TTLL2: variants seen among roughly 807,000 people sequenced by gnomAD.
TTLL2 encodes probable tubulin polyglutamylase TTLL2.
TTLL2 carries 10 observed loss-of-function variants against 7.5 expected under a neutral mutation model. That is an observed-to-expected ratio of 1.33 (90% confidence interval 0.82 to 2.25). TTLL2 has a LOEUF of 2.25. TTLL2 is among the 30% of genes most tolerant of loss of function. TTLL2 has a pLI of 0.00. For synonymous variants in TTLL2, 284 were observed against 280.3 expected (o/e 1.01, Z -0.13); for missense variants, 733 against 735.7 (o/e 1.00, Z 0.04).
chr6:167,325,978 T>C (rs1362673653), intron 1 of TTLL2, among the ~76,000 whole-genome samples: 1 of 152,038 alleles, frequency 6.6e-6, no homozygotes, highest in African/African-American at 2.4e-5. Flanking sequence ...AGGCCGTGAG[T>C]GCCTGCCGGC....
In TTLL2 at chr6:167,341,433, A is replaced by G; in HGVS notation, c.1533A>G (p.Leu511=). ...AGATGCCACAAAGCAAGCCCAAGTT[A>G]CGGAGCAGGCACACGCCTCACAAGA... ...TREMPQSKPK[L]RSRHTPHKTL... is the part of the protein sequence containing the mutation. Residue 511 remains leucine (L), a synonymous_variant, in exon 3 of 3, where the codon TTA becomes TTG. Coordinates refer to ENST00000239587, the MANE Select transcript of TTLL2 (RefSeq NM_031949.5). 2 of 1,614,030 alleles carry G rather than the reference A, an allele frequency of 1.2e-6. No homozygotes were observed. Among genetic ancestry groups the G allele is most frequent in the East Asian group, 4.5e-5 (2 of 44,844 alleles).
intron 1 of TTLL2, among the ~76,000 whole-genome samples, chr6:167,337,109 CA>C (rs148920992): frequency 0.021 from 3,230 of 152,346 alleles, 129 homozygotes; most frequent in African/African-American, 0.074. Context: ...TTTCCACACA[CA>C]ATCAAACCAA....
In TTLL2 at chr6:167,328,081, G is replaced by A. The variant is rs185175353; in HGVS notation, c.47+2861G>A. On this transcript the variant is annotated intron_variant, in intron 1 of 2. Coordinates refer to ENST00000239587, the MANE Select transcript of TTLL2 (RefSeq NM_031949.5). The stretch of plus-strand genomic sequence containing the variant: ...CTGGATCCCGGTCAAATGGAAAGTT[G>A]CTCTGGGGCTCTGTCCTGTAAGCAG... 7.1e-4 allele frequency: 321 copies of A among 451,288 alleles called. 2 individuals are homozygous for A. Among genetic ancestry groups the A allele is most frequent in the African/African-American group, 6.7e-3 (306 of 45,560 alleles). The allele number at this position is 451,288 out of a possible 1,614,324, so 28.0% of individuals were successfully genotyped here.
chr6:167,325,745 C>T (rs1481229010), intron 1 of TTLL2, among the ~76,000 whole-genome samples: 2 of 152,066 alleles, frequency 1.3e-5, no homozygotes, highest in Admixed American at 1.3e-4. Context: ...ATGGACCCCA[C>T]GGGGGAAAAG....
At position 167,340,183 on chromosome 6, in the gene TTLL2, AC is replaced by A; in HGVS notation, c.287del (p.Pro96ArgfsTer37). 1 of 1,613,444 alleles carries A rather than the reference AC, an allele frequency of 6.2e-7. No homozygotes were observed. Among genetic ancestry groups the A allele is most frequent in the Non-Finnish European group, 8.5e-7 (1 of 1,179,728 alleles). ...KPLVFRVDET[T>X]PAVVQSVLLE... is the part of the protein sequence containing the mutation. The stretch of plus-strand genomic sequence containing the variant: ...GCTGGTTTTTCGCGTTGACGAGACC[AC>A]CCCGGCTGTGGTGCAAAGCGTCCTC... On this transcript the variant is annotated frameshift_variant, in exon 3 of 3. Transcript: ENST00000239587. LOFTEE classifies it low-confidence loss of function (END_TRUNC).
intron 1 of TTLL2, among the ~76,000 whole-genome samples, chr6:167,331,876 T>C (rs1299472677): frequency 1.3e-5 from 2 of 152,174 alleles, no homozygotes; most frequent in Non-Finnish European, 2.9e-5. Flanking sequence ...GCCGCTTTAC[T>C]TTTACGTCTG....
rs1472714911 is a variant in TTLL2, at chr6:167,334,193, G to T, written c.48-4454G>T. Reference sequence around the variant, plus strand: ...ACATCTTTATTTCTGCCTTCATTTCGTTATGTACCCAGTAGTCATTCAGGA... The same window carrying T: ...ACATCTTTATTTCTGCCTTCATTTCTTTATGTACCCAGTAGTCATTCAGGA... On this transcript the variant is annotated intron_variant, in intron 1 of 2. Transcript: ENST00000239587. 2.1e-4 allele frequency among the ~76,000 whole-genome samples: 29 copies of T among 139,798 alleles called. 1 individual carries two copies. The highest frequency in any genetic ancestry group is 7.9e-4 in the African/African-American group (29 of 36,650). 91.7% of individuals were successfully genotyped at this position (139,798 alleles called of 152,430 possible). A position where few individuals can be genotyped will look rare whatever the true frequency, so the allele number is the denominator to read the frequency against.
intron 1 of TTLL2, among the ~76,000 whole-genome samples, chr6:167,331,742 C>T (rs1778922456): frequency 6.6e-6 from 1 of 152,166 alleles, no homozygotes; most frequent in African/African-American, 2.4e-5. Flanking sequence ...GAGTCCTGGC[C>T]AATCCCCGCA....
At chr6:167,336,086 A>G (rs894578692) in intron 1 of TTLL2, among the ~76,000 whole-genome samples, 1 of 151,914 alleles carries the variant, frequency 6.6e-6, no homozygotes, top group Admixed American at 6.6e-5. Flanking sequence ...GACCTTGGGT[A>G]TTGTGACTGT....
chr6:167,329,641 A>G (rs1347205049), intron 1 of TTLL2, among the ~76,000 whole-genome samples: 3 of 152,194 alleles, frequency 2.0e-5, no homozygotes, highest in Non-Finnish European at 4.4e-5. Flanking sequence ...AAATCTGAGT[A>G]CGGTAAACCT....
At chr6:167,331,470 CTG>C (rs968707646) in intron 1 of TTLL2, among the ~76,000 whole-genome samples, 25 of 152,274 alleles carry the variant, frequency 1.6e-4, no homozygotes, top group African/African-American at 5.5e-4. Flanking sequence ...ATTAGATCCA[CTG>C]TTTTTTTAGC....
chr6:167,327,151 T>C (rs1032967878), intron 1 of TTLL2, among the ~76,000 whole-genome samples: 1 of 152,184 alleles, frequency 6.6e-6, no homozygotes, highest in African/African-American at 2.4e-5. Flanking sequence ...AGAGGAACAG[T>C]CGCTTAGCAT....
At chr6:167,334,889 C>T (rs1337451400) in intron 1 of TTLL2, among the ~76,000 whole-genome samples, 1 of 31,150 alleles carries the variant, frequency 3.2e-5, no homozygotes, top group African/African-American at 2.2e-4. Context: ...CTAGGCATTA[C>T]CATTCAGGAC....
chr6:167,330,546 C>T (rs543008370), intron 1 of TTLL2, among the ~76,000 whole-genome samples: 31 of 149,286 alleles, frequency 2.1e-4, no homozygotes, highest in African/African-American at 3.7e-4. Context: ...GGGACAAAAG[C>T]GAAAATCCAT....
rs757262423 is a variant in TTLL2, at chr6:167,340,196, T to G, written c.296T>G (p.Val99Gly). The G allele has an allele frequency of 1.2e-6, 2 of 1,613,986 alleles. No individual in the cohort carries two copies. The highest frequency in any genetic ancestry group is 8.5e-7 in the Non-Finnish European group (1 of 1,179,964). ...FRVDETTPAV[V>G]QSVLLERGWN... The stretch of plus-strand genomic sequence containing the variant: ...GTTGACGAGACCACCCCGGCTGTGG[T>G]GCAAAGCGTCCTCCTGGAGAGGGGG... The change falls in exon 3 of 3, where the codon GTG (valine) becomes GGG (glycine). Residue 99 changes from valine to glycine, a missense_variant. Physicochemically the swap from Val to Gly is moderately radical, Grantham distance 109. Transcript: ENST00000239587.
In TTLL2 at chr6:167,342,593, G is replaced by A. The variant is rs1396939226; in HGVS notation, c.*914G>A. Among the ~76,000 whole-genome samples, 1 of 152,126 alleles carries A rather than the reference G, an allele frequency of 6.6e-6. No individual in the cohort carries two copies. The highest frequency in any genetic ancestry group is 1.5e-5 in the Non-Finnish European group (1 of 68,034). On this transcript the variant is annotated 3_prime_UTR_variant, in exon 3 of 3. Coordinates refer to ENST00000239587, the MANE Select transcript of TTLL2 (RefSeq NM_031949.5). ...CAGAAATGTTCTGGAACTATATAGAGGTGATGGTTGCACAACACGGGGAAT... is the reference window on the plus strand; with the variant it reads ...CAGAAATGTTCTGGAACTATATAGAAGTGATGGTTGCACAACACGGGGAAT...
At chr6:167,330,769 G>A (rs555712194) in intron 1 of TTLL2, among the ~76,000 whole-genome samples, 2 of 152,270 alleles carry the variant, frequency 1.3e-5, no homozygotes, top group South Asian at 2.1e-4. Flanking sequence ...TTCAGCCAGC[G>A]AGGCAGCCAA....
rs1266990367 is a variant in TTLL2, at chr6:167,340,218, G to C, written c.318G>C (p.Arg106Ser). ...PAVVQSVLLE[R>S]GWNKFDKQEQ... Reference sequence around the variant, plus strand: ...TGGTGCAAAGCGTCCTCCTGGAGAGGGGGTGGAATAAGTTTGATAAGCAGG... The same window carrying C: ...TGGTGCAAAGCGTCCTCCTGGAGAGCGGGTGGAATAAGTTTGATAAGCAGG... Residue 106 changes from arginine (R) to serine (S), a missense_variant, in exon 3 of 3, where the codon AGG becomes AGC. Arg to Ser is a moderately radical substitution (Grantham distance 110). Coordinates refer to ENST00000239587, the MANE Select transcript of TTLL2 (RefSeq NM_031949.5). 2 of 1,614,082 alleles carry C rather than the reference G, an allele frequency of 1.2e-6. No individual in the cohort carries two copies. The highest frequency in any genetic ancestry group is 8.5e-7 in the Non-Finnish European group (1 of 1,180,008).
chr6:167,328,472 G>A (rs1562369449), intron 1 of TTLL2: 2 of 230,648 alleles, frequency 8.7e-6, no homozygotes, highest in Non-Finnish European at 1.8e-5. Context: ...TTGGAATGCT[G>A]TCTATGCCCT....
Sources: allele counts gnomAD v4.1 joint callset (sites outside exome capture counted in the v4.1 genomes callset), GRCh38; gene constraint gnomAD v4.1.1; transcripts MANE v1.5; gene names NCBI Gene and HGNC (gene_info 2026-07-23, HGNC 2026-07-21).